NCOA1: variants seen among roughly 807,000 people sequenced by gnomAD.
NCOA1 encodes Hin-2 protein.
A neutral mutation model predicts 150.9 loss-of-function variants in NCOA1; 35 were observed. The ratio of observed to expected loss-of-function variants is 0.23; its 90% CI spans 0.18 to 0.31. NCOA1 has a LOEUF of 0.31. Among genes scored for constraint, NCOA1 ranks in the 10% least tolerant of loss-of-function variants. The pLI is 1.00. For synonymous variants in NCOA1, 590 were observed against 630.0 expected (o/e 0.94, Z 0.95); for missense variants, 1,491 against 1,749.3 (o/e 0.85, Z 2.63).
chr2:24,537,255 C>G (rs1036765221), intron 1 of NCOA1, among the ~76,000 whole-genome samples: 1 of 151,842 alleles, frequency 6.6e-6, no homozygotes, highest in African/African-American at 2.4e-5. Flanking sequence ...CACACACACA[C>G]ACACACACAC....
intron 19 of NCOA1, among the ~76,000 whole-genome samples, chr2:24,751,587 G>GAA (rs146081421): frequency 0.029 from 3,985 of 138,132 alleles, 64 homozygotes; most frequent in African/African-American, 0.044. Flanking sequence ...CATCTCGGGG[G>GAA]AAAAAAAAAA....
intron 17 of NCOA1, among the ~76,000 whole-genome samples, chr2:24,738,229 T>C (rs983745191): frequency 6.6e-6 from 1 of 151,764 alleles, no homozygotes; most frequent in Non-Finnish European, 1.5e-5. Flanking sequence ...TGGATTCTTA[T>C]AAAACTTTCG....
chr2:24,721,616 A>G (rs974055720), intron 14 of NCOA1, among the ~76,000 whole-genome samples: 1 of 152,200 alleles, frequency 6.6e-6, no homozygotes, highest in African/African-American at 2.4e-5. Context: ...CAGAACTCCC[A>G]TTTTGAGTCA....
At chr2:24,730,233 C>G (rs1426535174) in intron 17 of NCOA1, among the ~76,000 whole-genome samples, 2 of 152,204 alleles carry the variant, frequency 1.3e-5, no homozygotes. Context: ...ACTCCCAGAA[C>G]TTTCATGAAA....
rs1342971363 is a variant in NCOA1 at position 24,634,072 on chromosome 2, G to GAT, written c.-174-9886_-174-9885dup. Among the ~76,000 whole-genome samples, 3 of 152,090 alleles carry GAT rather than the reference G, an allele frequency of 2.0e-5. No homozygotes were observed. In the East Asian group the frequency reaches 5.8e-4, roughly 29 times the overall value. ...AATCAGCAAAATGCAGAATATGTATGATATATATACATTTTAAACATATAT... is the reference window on the plus strand; with the variant it reads ...AATCAGCAAAATGCAGAATATGTATGATATATATATACATTTTAAACATATAT... On this transcript the variant is annotated intron_variant, in intron 3 of 22. Transcript: ENST00000348332.
chr2:24,643,851 T>C (rs1670343723), intron 3 of NCOA1, 115 bp from the exon 4 acceptor site: 2 of 152,224 alleles, frequency 1.3e-5, no homozygotes, highest in African/African-American at 2.4e-5. Context: ...TCCATTTCAC[T>C]CTAAAAGTTG....
chr2:24,597,859 A>T (rs1368867739), intron 3 of NCOA1, among the ~76,000 whole-genome samples: 1 of 152,080 alleles, frequency 6.6e-6, no homozygotes, highest in Non-Finnish European at 1.5e-5. Context: ...TATATGTGCC[A>T]TATTGGTGTG....
intron 21 of NCOA1, among the ~76,000 whole-genome samples, chr2:24,760,772 G>C (rs1664750532): frequency 6.6e-6 from 1 of 152,012 alleles, no homozygotes; most frequent in Admixed American, 6.6e-5. Context: ...TATTCTTGGG[G>C]TTCATTGAGC....
At chr2:24,740,525 T>C (rs1663551421) in intron 18 of NCOA1, among the ~76,000 whole-genome samples, 1 of 152,136 alleles carries the variant, frequency 6.6e-6, no homozygotes, top group South Asian at 2.1e-4. Context: ...TGTAGTATTA[T>C]AATCTTATGG....
At chr2:24,548,720 TCCAG>T (rs1252122862) in intron 1 of NCOA1, among the ~76,000 whole-genome samples, 5 of 152,120 alleles carry the variant, frequency 3.3e-5, no homozygotes, top group African/African-American at 1.2e-4. Flanking sequence ...AAGTCCAAAA[TCCAG>T]CAGGGCAGTC....
intron 1 of NCOA1, among the ~76,000 whole-genome samples, chr2:24,495,275 G>C (rs1050821739): frequency 2.0e-5 from 3 of 152,212 alleles, no homozygotes; most frequent in Middle Eastern, 3.4e-3. Context: ...TTTAAGTAAA[G>C]TGAGTTGTAT....
At chr2:24,734,320 A>G (rs1282163475) in intron 17 of NCOA1, among the ~76,000 whole-genome samples, 1 of 152,238 alleles carries the variant, frequency 6.6e-6, no homozygotes, top group East Asian at 1.9e-4. Context: ...TGTCGCTTGT[A>G]AAAAGATGAC....
chr2:24,739,492 A>G lies in NCOA1; in HGVS notation c.3262A>G (p.Ile1088Val), dbSNP rs1663498099. ...NQFAATAPVG[I>V]NMRSGMQQQI... ...GTTTGCAGCAACTGCTCCTGTTGGC[A>G]TCAATATGAGATCAGGCATGCAACA... The change falls in exon 18 of 23, where the codon ATC (isoleucine) becomes GTC (valine). Residue 1088 changes from isoleucine to valine, a missense_variant. Ile to Val is a conservative substitution (Grantham distance 29). This residue lies in a region of NCOA1 where 485 missense variants were observed against 522.8 expected (regional missense o/e 0.93). Transcript: ENST00000348332. 1 of 1,613,984 alleles carries G rather than the reference A, an allele frequency of 6.2e-7. No individual in the cohort carries two copies. Among genetic ancestry groups the G allele is most frequent in the Non-Finnish European group, 8.5e-7 (1 of 1,179,852 alleles).
intron 17 of NCOA1, among the ~76,000 whole-genome samples, chr2:24,737,715 C>T (rs747996896): frequency 6.6e-6 from 1 of 152,132 alleles, no homozygotes; most frequent in African/African-American, 2.4e-5. Flanking sequence ...GAGTTGCTCC[C>T]TCTGTGCTGC....
intron 17 of NCOA1, among the ~76,000 whole-genome samples, chr2:24,730,917 A>G (rs970474260): frequency 1.3e-4 from 19 of 150,610 alleles, no homozygotes; most frequent in East Asian, 3.9e-4. Flanking sequence ...ACGTGCCTAT[A>G]ATCCCAGCTA....
chr2:24,605,890 T>C (rs1371550926), intron 3 of NCOA1, among the ~76,000 whole-genome samples: 2 of 152,236 alleles, frequency 1.3e-5, no homozygotes, highest in Non-Finnish European at 2.9e-5. Context: ...TTTGTTTCTT[T>C]CATACCAATT....
In NCOA1 at chr2:24,688,233, A is replaced by T. The variant is rs550409174; in HGVS notation, c.533-3248A>T. On this transcript the variant is annotated intron_variant, in intron 8 of 22. Coordinates refer to ENST00000348332, the MANE Select transcript of NCOA1 (RefSeq NM_003743.5). ...TGAACATACACTTGCATCTGTCTTT[A>T]TGGTGGAATGATTTATATTCCTTTG... Among the ~76,000 whole-genome samples, 14 of 152,242 alleles carry T rather than the reference A, an allele frequency of 9.2e-5. No homozygotes were observed. In the South Asian group the frequency reaches 2.9e-3, roughly 32 times the overall value.
At chr2:24,598,866 G>A (rs780427417) in intron 3 of NCOA1, among the ~76,000 whole-genome samples, 11 of 151,830 alleles carry the variant, frequency 7.2e-5, no homozygotes, top group Admixed American at 2.6e-4. Flanking sequence ...TGAACTCATC[G>A]TTCAAATAAT....
chr2:24,566,813 G>A (rs72805223), intron 2 of NCOA1, among the ~76,000 whole-genome samples: 8,088 of 152,326 alleles, frequency 0.053, 295 homozygotes, highest in East Asian at 0.19. Flanking sequence ...CCCGGCCTTG[G>A]CCTCAACTTT....
Sources: allele counts gnomAD v4.1 joint callset (sites outside exome capture counted in the v4.1 genomes callset), GRCh38; gene constraint gnomAD v4.1.1; regional missense constraint gnomAD v4.1.1; transcripts MANE v1.5; gene names NCBI Gene and HGNC (gene_info 2026-07-23, HGNC 2026-07-21).